WHAMM: variants seen among roughly 807,000 people sequenced by gnomAD.
The protein encoded by WHAMM is WASP homolog associated with actin, golgi membranes and microtubules.
A neutral mutation model predicts 76.5 loss-of-function variants in WHAMM; 67 were observed. The observed-to-expected ratio is 0.88, with a 90% confidence interval of 0.72 to 1.07. The LOEUF (loss-of-function observed/expected upper bound fraction) is 1.07, where lower values mean the gene tolerates loss of function less well. Among genes scored for constraint, WHAMM ranks in the 50% least tolerant of loss-of-function variants. The pLI is 0.00. For synonymous variants in WHAMM, 419 were observed against 422.1 expected, an observed-to-expected ratio of 0.99 and a Z score of 0.09; for missense variants, 1,021 against 1,051.1, an observed-to-expected ratio of 0.97 and a Z score of 0.40.
intron 8 of WHAMM, 38 bp from the exon 9 acceptor site, chr15:82,830,561 C>T: frequency 6.3e-7 from 1 of 1,591,538 alleles, no homozygotes; most frequent in South Asian, 1.1e-5. Context: ...ATGGTTTGCA[C>T]TTGTGGCAGA....
intron 4 of WHAMM, among the ~76,000 whole-genome samples, 182 bp downstream of exon 4, chr15:82,818,271 T>TC (rs956472497): frequency 2.0e-5 from 3 of 152,148 alleles, no homozygotes; most frequent in Admixed American, 6.5e-5. Flanking sequence ...ATATTTCTCA[T>TC]CCCCCCTCCC....
At position 82,830,634 on chromosome 15, in the gene WHAMM, C is replaced by A; in HGVS notation, c.1677C>A (p.Gly559=). 1.9e-6 allele frequency: 3 copies of A among 1,613,868 alleles called. No homozygotes were observed. Among genetic ancestry groups the A allele is most frequent in the Non-Finnish European group, 2.5e-6 (3 of 1,179,880 alleles). ...CTCAATCTGTCCGAAACACCTCTGG[C>A]TCAGAACCTGTGGCTCCAAACCTGC... ...RLAQSVRNTS[G]SEPVAPNLPS... is the part of the protein sequence containing the mutation. The change falls in exon 9 of 10, where the codon GGC becomes GGA. Residue 559 remains glycine, a synonymous_variant. Transcript: ENST00000286760.
intron 8 of WHAMM, among the ~76,000 whole-genome samples, chr15:82,829,506 T>G (rs993903070): frequency 6.6e-6 from 1 of 152,140 alleles, no homozygotes; most frequent in Non-Finnish European, 1.5e-5. Context: ...GCTGGCATGG[T>G]CTCTGACAGA....
intron 4 of WHAMM, 140 bp downstream of exon 4, chr15:82,818,229 C>T (rs2151562156): frequency 1.2e-6 from 1 of 838,052 alleles, no homozygotes; most frequent in South Asian, 1.9e-5. Context: ...TTAGTGTAAT[C>T]ATCACCTGTA....
At chr15:82,825,824 A>G (rs1225741775) in intron 6 of WHAMM, among the ~76,000 whole-genome samples, 3 of 152,136 alleles carry the variant, frequency 2.0e-5, no homozygotes, top group African/African-American at 4.8e-5. Context: ...CAATAATACA[A>G]ATTTCATGTG....
intron 2 of WHAMM, among the ~76,000 whole-genome samples, chr15:82,815,526 T>C (rs1403329809): frequency 6.6e-6 from 1 of 152,196 alleles, no homozygotes; most frequent in Admixed American, 6.6e-5. Flanking sequence ...CTGTGAATGT[T>C]TGTGTGTAAG....
chr15:82,819,892 C>T (rs559118611), intron 5 of WHAMM, among the ~76,000 whole-genome samples: 4 of 152,080 alleles, frequency 2.6e-5, no homozygotes, highest in South Asian at 2.1e-4. Flanking sequence ...TGTGGTGGCA[C>T]GTGCCTGTAA....
At chr15:82,815,022 G>A (rs1360106958) in intron 2 of WHAMM, among the ~76,000 whole-genome samples, 1 of 146,418 alleles carries the variant, frequency 6.8e-6, no homozygotes, top group Non-Finnish European at 1.5e-5. Flanking sequence ...CGCCCGTCTC[G>A]GCCTCCCAGA....
In WHAMM at chr15:82,833,597, C is replaced by G; in HGVS notation, c.*61C>G. The G allele has an allele frequency of 2.6e-6, 4 of 1,547,938 alleles. No individual in the cohort carries two copies. Among genetic ancestry groups the G allele is most frequent in the Non-Finnish European group, 2.6e-6 (3 of 1,145,226 alleles). On this transcript the variant is annotated 3_prime_UTR_variant, in exon 10 of 10. Coordinates refer to ENST00000286760, the MANE Select transcript of WHAMM (RefSeq NM_001080435.3). ...TTGAATAAAGTGGGTGAGTCTTAGA[C>G]CTATCGAAAAGCATACTAACAGGGT...
In WHAMM at chr15:82,833,857, A is replaced by G. The variant is rs1284781757; in HGVS notation, c.*321A>G. The G allele has an allele frequency of 7.9e-6, 2 of 251,602 alleles. No homozygotes were observed. The highest frequency in any genetic ancestry group is 4.4e-5 in the African/African-American group (2 of 45,328). 15.6% of individuals were successfully genotyped at this position (251,602 alleles called of 1,614,324 possible). ...TGGGTTCACGCCATTCTCCTGCCTC[A>G]GCCTCCCGAGTAGCTGGGACTACAG... On this transcript the variant is annotated 3_prime_UTR_variant, in exon 10 of 10. Transcript: ENST00000286760.
intron 2 of WHAMM, among the ~76,000 whole-genome samples, chr15:82,816,216 G>T (rs1280532040): frequency 1.3e-5 from 2 of 152,086 alleles, no homozygotes; most frequent in Admixed American, 1.3e-4. Context: ...ATGCATTTTG[G>T]GGGGAGTCCA....
In WHAMM at chr15:82,834,613, T is replaced by A. The variant is rs1404365635; in HGVS notation, c.*1077T>A. 6.6e-6 allele frequency: 1 copy of A among 152,660 alleles called. No individual in the cohort carries two copies. Among genetic ancestry groups the A allele is most frequent in the Non-Finnish European group, 1.5e-5 (1 of 68,030 alleles). 9.5% of individuals were successfully genotyped at this position (152,660 alleles called of 1,614,324 possible). On this transcript the variant is annotated 3_prime_UTR_variant, in exon 10 of 10. Transcript: ENST00000286760. ...TTTCTCAGATTTGTAGGCTTGAATGTGAATGTTATTTTATCAGTAATCAGA... is the reference window on the plus strand; with the variant it reads ...TTTCTCAGATTTGTAGGCTTGAATGAGAATGTTATTTTATCAGTAATCAGA...
At chr15:82,816,889 C>T in intron 3 of WHAMM, 47 bp downstream of exon 3, 1 of 1,514,926 alleles carries the variant, frequency 6.6e-7, no homozygotes, top group Non-Finnish European at 8.9e-7. Flanking sequence ...AATTGATTAT[C>T]ATTTTATTCA....
intron 9 of WHAMM, among the ~76,000 whole-genome samples, chr15:82,832,156 T>G (rs540754441): frequency 6.6e-6 from 1 of 152,326 alleles, no homozygotes; most frequent in South Asian, 2.1e-4. Flanking sequence ...CCAGCCCAGA[T>G]TTAATGCACA....
chr15:82,831,870 A>C (rs2051037391), intron 9 of WHAMM, among the ~76,000 whole-genome samples: 1 of 152,232 alleles, frequency 6.6e-6, no homozygotes, highest in Non-Finnish European at 1.5e-5. Context: ...ACCTCCACCT[A>C]AACTGTGCAA....
At chr15:82,810,663 G>A (rs2050613621) in intron 1 of WHAMM, 8 of 985,474 alleles carry the variant, frequency 8.1e-6, no homozygotes, top group Non-Finnish European at 9.6e-6. Context: ...TTGCAAGCAA[G>A]ACTGAAAACA....
intron 4 of WHAMM, 143 bp downstream of exon 4, chr15:82,818,232 C>T (rs1232339424): frequency 1.6e-5 from 13 of 822,804 alleles, no homozygotes; most frequent in Admixed American, 8.6e-5. Flanking sequence ...GTGTAATCAT[C>T]ACCTGTATAA....
intron 8 of WHAMM, among the ~76,000 whole-genome samples, chr15:82,828,932 G>A (rs1411733973): frequency 6.6e-6 from 1 of 152,196 alleles, no homozygotes; most frequent in Non-Finnish European, 1.5e-5. Flanking sequence ...CTTTTGGGAT[G>A]TATGGACAGC....
At chr15:82,826,271 T>TA in intron 6 of WHAMM, 139 bp from the exon 7 acceptor site, 1 of 779,226 alleles carries the variant, frequency 1.3e-6, no homozygotes, top group African/African-American at 1.7e-5. Context: ...GAGGAGACAG[T>TA]ACCATTGGGC....
Sources: gnomAD v4.1 joint callset for allele counts (sites outside exome capture counted in the v4.1 genomes callset) on GRCh38, gnomAD v4.1.1 for gene constraint, MANE v1.5 for transcripts, NCBI Gene and HGNC (gene_info 2026-07-23, HGNC 2026-07-21) for gene names.